The following RAB4B variants were observed in gnomAD, a reference collection of about 807,000 sequenced individuals.
The protein encoded by RAB4B is ras-related protein Rab-4B.
A neutral mutation model predicts 28.3 loss-of-function variants in RAB4B; 15 were observed. The observed-to-expected ratio is 0.53, with a 90% CI of 0.35 to 0.82. The LOEUF is 0.82. Ranked by LOEUF, RAB4B falls within the 40% of genes least tolerant of loss-of-function variation. RAB4B has a pLI of 0.01. For missense variants in RAB4B, 244 were observed against 288.5 expected (o/e 0.85, Z 1.12); for synonymous variants, 108 against 116.3 (o/e 0.93, Z 0.46).
intron 3 of RAB4B, among the ~76,000 whole-genome samples, chr19:40,781,866 A>G (rs2083051768): frequency 6.6e-6 from 1 of 151,946 alleles, no homozygotes; most frequent in Non-Finnish European, 1.5e-5. Context: ...CTAAAAATAC[A>G]AAAAATTAGC....
chr19:40,780,960 A>C (rs865823774), intron 3 of RAB4B, among the ~76,000 whole-genome samples: 2 of 151,978 alleles, frequency 1.3e-5, no homozygotes, highest in Middle Eastern at 6.8e-3. Context: ...ACAGAGACTA[A>C]GAGAGTTGAA....
chr19:40,782,639 C>T (rs1174503771), intron 3 of RAB4B, among the ~76,000 whole-genome samples: 2 of 151,242 alleles, frequency 1.3e-5, no homozygotes, highest in East Asian at 3.9e-4. Flanking sequence ...ATGGCGAAAC[C>T]CCATCTCTAC....
chr19:40,786,484 G>C, intron 5 of RAB4B, 181 bp from the exon 6 acceptor site: 2 of 841,282 alleles, frequency 2.4e-6, no homozygotes, highest in Non-Finnish European at 3.6e-6. Flanking sequence ...TCTGAAGGAA[G>C]AGCTGGGTGG....
At chr19:40,794,430 A>C (rs1381783185) in intron 7 of RAB4B, 1 of 151,728 alleles carries the variant, frequency 6.6e-6, no homozygotes, top group Non-Finnish European at 1.5e-5. Context: ...GATGGTGTCT[A>C]TGTTGCCCAG....
At position 40,780,412 on chromosome 19, in the gene RAB4B, G is replaced by C; in HGVS notation, c.125G>C (p.Gly42Ala). The change falls in exon 3 of 8, where the codon GGC becomes GCC. Residue 42 changes from glycine to alanine, a missense_variant. Transcript: ENST00000357052. Reference protein sequence around the residue: ...KFKQDSNHTIGVEFGSRVVNV... With the variant: ...KFKQDSNHTIAVEFGSRVVNV... ...AAACAGGACTCCAACCACACAATCG[G>C]CGTGGAGTTTGGATCCCGGGTGGTC... is the stretch of plus-strand genomic sequence containing the variant. 6.2e-7 allele frequency: 1 copy of C among 1,612,596 alleles called. No homozygotes were observed. The highest frequency in any genetic ancestry group is 8.5e-7 in the Non-Finnish European group (1 of 1,179,312).
At chr19:40,782,159 A>G (rs1001552924) in intron 3 of RAB4B, among the ~76,000 whole-genome samples, 3 of 152,168 alleles carry the variant, frequency 2.0e-5, no homozygotes, top group Admixed American at 2.0e-4. Flanking sequence ...GTATGGATTA[A>G]CTGCCTGAGG....
At position 40,786,691 on chromosome 19, in the gene RAB4B, C is replaced by A; in HGVS notation, c.457C>A (p.Leu153Ile). 6.2e-7 allele frequency: 1 copy of A among 1,614,018 alleles called. No individual in the cohort carries two copies. The highest frequency in any genetic ancestry group is 1.1e-5 in the South Asian group (1 of 91,044). ...GCTGATGTTCCTGGAGACCAGCGCTCTCACAGGCGAGAACGTGGAGGAGGC... is the reference window on the plus strand; with the variant it reads ...GCTGATGTTCCTGGAGACCAGCGCTATCACAGGCGAGAACGTGGAGGAGGC... ...NELMFLETSA[L>I]TGENVEEAFL... The change falls in exon 6 of 8, where the codon CTC (leucine) becomes ATC (isoleucine). Residue 153 changes from leucine (L) to isoleucine (I), a missense_variant. By Grantham distance (5) the Leu-to-Ile change is conservative. Transcript: ENST00000357052.
intron 5 of RAB4B, among the ~76,000 whole-genome samples, chr19:40,784,833 A>C (rs1339574387): frequency 6.6e-6 from 1 of 150,688 alleles, no homozygotes; most frequent in African/African-American, 2.4e-5. Flanking sequence ...GCCCTAGGTG[A>C]AAGGCACTTT....
intron 2 of RAB4B, 70 bp downstream of exon 2, chr19:40,780,169 C>T (rs1186659003): frequency 1.3e-5 from 20 of 1,589,576 alleles, no homozygotes; most frequent in South Asian, 1.1e-5. Context: ...TGGTGGGCAG[C>T]CGGTGGGGAG....
intron 3 of RAB4B, among the ~76,000 whole-genome samples, chr19:40,781,245 C>T (rs1291168869): frequency 6.6e-6 from 1 of 150,680 alleles, no homozygotes; most frequent in Non-Finnish European, 1.5e-5. Flanking sequence ...CAAGATCGCA[C>T]CACTGCACCC....
At chr19:40,791,462 G>T (rs545630456) in intron 7 of RAB4B, among the ~76,000 whole-genome samples, 1 of 152,006 alleles carries the variant, frequency 6.6e-6, no homozygotes, top group Non-Finnish European at 1.5e-5. Context: ...CAGCCTTACC[G>T]GCCTCAGCCA....
At chr19:40,792,416 A>G (rs1219404696) in intron 7 of RAB4B, 1 of 152,250 alleles carries the variant, frequency 6.6e-6, no homozygotes, top group African/African-American at 2.4e-5. Flanking sequence ...GCTGAGCTCA[A>G]ATGAATGGGT....
Position 40,786,723 on chromosome 19 carries a change from C to G in RAB4B, c.489C>G (p.Leu163=). ...GCGAGAACGTGGAGGAGGCGTTCCTCAAGTGTGCCCGCACTATCCTCAACA... is the reference window on the plus strand; with the variant it reads ...GCGAGAACGTGGAGGAGGCGTTCCTGAAGTGTGCCCGCACTATCCTCAACA... ...LTGENVEEAF[L]KCARTILNKI... is the part of the protein sequence containing the mutation. Residue 163 remains leucine (L), a synonymous_variant, in exon 6 of 8, where the codon CTC becomes CTG. Coordinates refer to ENST00000357052, the MANE Select transcript of RAB4B (RefSeq NM_016154.5). The G allele has an allele frequency of 6.2e-7, 1 of 1,614,110 alleles. No homozygotes were observed. The highest frequency in any genetic ancestry group is 8.5e-7 in the Non-Finnish European group (1 of 1,179,998).
chr19:40,788,419 G>A (rs146784452), intron 7 of RAB4B, among the ~76,000 whole-genome samples: 108 of 149,448 alleles, frequency 7.2e-4, no homozygotes, highest in Non-Finnish European at 1.2e-3. Flanking sequence ...AGGTGTTCGA[G>A]GCTGCAGTGA....
At position 40,786,864 on chromosome 19, in the gene RAB4B, G is replaced by C; in HGVS notation, c.543G>C (p.Glu181Asp). 6.2e-7 allele frequency: 1 copy of C among 1,614,166 alleles called. No individual in the cohort carries two copies. The highest frequency in any genetic ancestry group is 8.5e-7 in the Non-Finnish European group (1 of 1,180,016). Residue 181 changes from glutamate to aspartate, a missense_variant, in exon 7 of 8, where the codon GAG (glutamate) becomes GAC (aspartate). By Grantham distance (45) the Glu-to-Asp change is conservative. Coordinates refer to ENST00000357052, the MANE Select transcript of RAB4B (RefSeq NM_016154.5). ...NKIDSGELDP[E>D]RMGSGIQYGD... ...TCCCCACAGGCGAGCTAGACCCGGA[G>C]AGGATGGGCTCTGGCATTCAGTACG...
intron 3 of RAB4B, among the ~76,000 whole-genome samples, chr19:40,783,492 G>C (rs12973666): frequency 0.42 from 64,207 of 152,014 alleles, 15,252 homozygotes; most frequent in Admixed American, 0.53. Context: ...GAGAAAAACA[G>C]ACGAATGGAA....
intron 2 of RAB4B, 47 bp downstream of exon 2, chr19:40,780,146 G>A (rs772728718): frequency 1.8e-5 from 29 of 1,606,528 alleles, no homozygotes; most frequent in Admixed American, 1.7e-5. Context: ...GTGTTTATGC[G>A]CATGGTGTGG....
chr19:40,787,042 G>A, intron 7 of RAB4B, 64 bp downstream of exon 7: 1 of 1,307,884 alleles, frequency 7.6e-7, no homozygotes, highest in East Asian at 2.4e-5. Context: ...ATGGTGTGGA[G>A]ATAGACACTG....
chr19:40,791,172 T>C (rs781140380), intron 7 of RAB4B, among the ~76,000 whole-genome samples: 8 of 152,042 alleles, frequency 5.3e-5, no homozygotes, highest in Non-Finnish European at 1.0e-4. Context: ...GTATTTTTAA[T>C]ACAGACAGGG....
Sources: gnomAD v4.1 joint callset for allele counts (sites outside exome capture counted in the v4.1 genomes callset) on GRCh38, gnomAD v4.1.1 for gene constraint, MANE v1.5 for transcripts, NCBI Gene and HGNC (gene_info 2026-07-23, HGNC 2026-07-21) for gene names.